RFX3: variants seen among roughly 807,000 people sequenced by gnomAD.
RFX3 encodes the protein regulatory factor X3.
A neutral mutation model predicts 98.6 loss-of-function variants in RFX3; 14 were observed. The observed-to-expected ratio is 0.14, with a 90% confidence interval of 0.09 to 0.22. RFX3 has a LOEUF of 0.22. RFX3 is among the 10% of genes least tolerant of loss of function. The pLI is 1.00. For synonymous variants in RFX3, 383 were observed against 328.4 expected (o/e 1.17, Z -1.80); for missense variants, 639 against 926.9 (o/e 0.69, Z 4.03).
chr9:3,354,019 T>A (rs955123629), intron 2 of RFX3, among the ~76,000 whole-genome samples: 5 of 151,944 alleles, frequency 3.3e-5, no homozygotes, highest in African/African-American at 9.7e-5. Context: ...AAATACAATA[T>A]GTAAAATTAA....
chr9:3,339,891 G>C (rs990080837), intron 3 of RFX3, among the ~76,000 whole-genome samples: 1 of 151,860 alleles, frequency 6.6e-6, no homozygotes. Context: ...TCACAGAATT[G>C]GAAAAAACTA....
intron 1 of RFX3, among the ~76,000 whole-genome samples, chr9:3,398,339 C>CAA (rs35349999): frequency 5.7e-5 from 8 of 140,398 alleles, no homozygotes; most frequent in African/African-American, 1.3e-4. Context: ...AGACAGGAAA[C>CAA]AAAAAAAAAA....
At position 3,219,164 on chromosome 9, in the gene RFX3, A is replaced by G. The variant is rs907973634; in HGVS notation, c.*5878T>C. ...AGAAAAAAATTTGCTTTGGTACAAAAGATGCTTTTTAAACGAATAAAGTTC... is the reference window on the plus strand; with the variant it reads ...AGAAAAAAATTTGCTTTGGTACAAAGGATGCTTTTTAAACGAATAAAGTTC... On this transcript the variant is annotated 3_prime_UTR_variant, in exon 17 of 17. Coordinates refer to ENST00000617270, the MANE Select transcript of RFX3 (RefSeq NM_001282116.2). 3.9e-5 allele frequency: 6 copies of G among 152,326 alleles called. No homozygotes were observed. The highest frequency in any genetic ancestry group is 7.4e-5 in the Non-Finnish European group (5 of 68,026). The allele number at this position is 152,326 out of a possible 1,614,324, so 9.4% of individuals were successfully genotyped here. A position where few individuals can be genotyped will look rare whatever the true frequency, so the allele number is the denominator to read the frequency against.
At chr9:3,300,895 T>A (rs1362945581) in intron 5 of RFX3, among the ~76,000 whole-genome samples, 2 of 151,912 alleles carry the variant, frequency 1.3e-5, no homozygotes. Context: ...AGTGTCATAG[T>A]GATATCTGCA....
At position 3,505,320 on chromosome 9, in the gene RFX3, G is replaced by T. The variant is rs1349883445; in HGVS notation, c.-9+20427C>A. ...TATATATATATAAATATATATTAATGTATATTTATATTTTATATAAATAAA... is the reference window on the plus strand; with the variant it reads ...TATATATATATAAATATATATTAATTTATATTTATATTTTATATAAATAAA... On this transcript the variant is annotated intron_variant, in intron 1 of 16. Transcript: ENST00000617270. 3.7e-4 allele frequency among the ~76,000 whole-genome samples: 17 copies of T among 46,510 alleles called. 1 individual carries two copies. Among genetic ancestry groups the T allele is most frequent in the African/African-American group, 1.9e-3 (10 of 5,234 alleles). 30.5% of individuals were successfully genotyped at this position (46,510 alleles called of 152,430 possible). A position where few individuals can be genotyped will look rare whatever the true frequency, so the allele number is the denominator to read the frequency against.
intron 1 of RFX3, among the ~76,000 whole-genome samples, chr9:3,460,427 T>C (rs1847581566): frequency 2.0e-5 from 3 of 152,018 alleles, no homozygotes; most frequent in Non-Finnish European, 4.4e-5. Context: ...ATAATAGATT[T>C]AATATTATTT....
intron 11 of RFX3, among the ~76,000 whole-genome samples, chr9:3,267,141 T>C (rs1823754953): frequency 6.6e-6 from 1 of 152,030 alleles, no homozygotes; most frequent in Non-Finnish European, 1.5e-5. Context: ...GACAGAATAC[T>C]TTCCTTGTTC....
At chr9:3,515,319 T>C (rs965201335) in intron 1 of RFX3, among the ~76,000 whole-genome samples, 1 of 152,228 alleles carries the variant, frequency 6.6e-6, no homozygotes, top group Non-Finnish European at 1.5e-5. Context: ...TACAGATATA[T>C]TGATTCTTTG....
At chr9:3,452,535 G>C (rs1413788749) in intron 1 of RFX3, 1 of 153,900 alleles carries the variant, frequency 6.5e-6, no homozygotes, top group African/African-American at 2.4e-5. Flanking sequence ...TGGCACTGCA[G>C]TGAACTATGA....
At chr9:3,287,178 C>T (rs1826728803) in intron 7 of RFX3, among the ~76,000 whole-genome samples, 1 of 151,804 alleles carries the variant, frequency 6.6e-6, no homozygotes, top group Admixed American at 6.6e-5. Flanking sequence ...GTGATATATT[C>T]TTTTCTCAGA....
intron 14 of RFX3, among the ~76,000 whole-genome samples, chr9:3,250,328 T>A (rs1371944401): frequency 3.3e-5 from 5 of 152,158 alleles, no homozygotes; most frequent in East Asian, 3.9e-4. Context: ...TTTCAAATTT[T>A]AAAAATTTAA....
chr9:3,490,207 T>A, intron 1 of RFX3: 1 of 450,302 alleles, frequency 2.2e-6, no homozygotes, highest in Non-Finnish European at 2.9e-6. Flanking sequence ...AGACTCCATA[T>A]ATGACATCTG....
chr9:3,402,667 AT>A (rs984999483), intron 1 of RFX3, among the ~76,000 whole-genome samples: 18 of 151,822 alleles, frequency 1.2e-4, no homozygotes, highest in African/African-American at 4.1e-4. Flanking sequence ...ATTTATATAT[AT>A]TTATATTTAA....
At chr9:3,469,255 T>C in intron 1 of RFX3, 2 of 444,978 alleles carry the variant, frequency 4.5e-6, no homozygotes, top group Non-Finnish European at 9.0e-6. Flanking sequence ...ACAAATACGT[T>C]ATGCTTCTGT....
intron 2 of RFX3, among the ~76,000 whole-genome samples, chr9:3,357,257 T>C (rs1835887786): frequency 6.6e-6 from 1 of 152,006 alleles, no homozygotes; most frequent in Admixed American, 6.6e-5. Flanking sequence ...GCCTCTCCGC[T>C]CCTTTATAAT....
At chr9:3,286,441 C>T (rs1826610071) in intron 7 of RFX3, among the ~76,000 whole-genome samples, 1 of 151,600 alleles carries the variant, frequency 6.6e-6, no homozygotes, top group Non-Finnish European at 1.5e-5. Context: ...AATAAAAAAT[C>T]TAAAACCTTT....
intron 2 of RFX3, chr9:3,394,802 C>T (rs867878415): frequency 9.2e-6 from 9 of 983,512 alleles, no homozygotes; most frequent in Middle Eastern, 5.2e-4. Context: ...TAGAAGAAAT[C>T]ACAGGCCAGT....
intron 1 of RFX3, among the ~76,000 whole-genome samples, chr9:3,471,293 T>G (rs1014945955): frequency 2.0e-5 from 3 of 152,204 alleles, no homozygotes; most frequent in African/African-American, 7.2e-5. Flanking sequence ...TGCAATAAAA[T>G]AAGGCAAGTA....
At chr9:3,365,885 C>T (rs1475722765) in intron 2 of RFX3, among the ~76,000 whole-genome samples, 1 of 151,862 alleles carries the variant, frequency 6.6e-6, no homozygotes, top group Non-Finnish European at 1.5e-5. Context: ...ACACACACAG[C>T]CTCCCAGTGG....
Sources: allele counts gnomAD v4.1 joint callset (sites outside exome capture counted in the v4.1 genomes callset), GRCh38; gene constraint gnomAD v4.1.1; transcripts MANE v1.5; gene names NCBI Gene and HGNC (gene_info 2026-07-23, HGNC 2026-07-21).